Variants in RNMT observed in about 807,000 individuals in gnomAD.
RNMT encodes the protein RNA guanine-7 methyltransferase, also known as mRNA cap guanine-N(7) methyltransferase.
RNMT carries 27 observed loss-of-function variants against 56.0 expected under a neutral mutation model. The observed-to-expected ratio is 0.48, with a 90% confidence interval of 0.36 to 0.67. The LOEUF (loss-of-function observed/expected upper bound fraction) is 0.67. RNMT is among the 30% of genes least tolerant of loss of function. The probability of loss-of-function intolerance (pLI) is 0.00; values close to 1 mark genes in which losing one functional copy is unlikely to be tolerated. For missense variants in RNMT, 519 were observed against 552.1 expected, an observed-to-expected ratio of 0.94 and a Z score of 0.60; for synonymous variants, 184 against 176.2, an observed-to-expected ratio of 1.04 and a Z score of -0.35.
At position 13,731,655 on chromosome 18, in the gene RNMT, G is replaced by T; in HGVS notation, c.138G>T (p.Lys46Asn). ...TTASGTGLSE[K>N]TSVCRQVDIA... ...CTTCTGGGACTGGGCTTTCTGAAAA[G>T]ACTTCTGTCTGTAGGCAAGTAGACA... Residue 46 changes from lysine to asparagine, a missense_variant, in exon 3 of 12, where the codon AAG becomes AAT. Coordinates refer to ENST00000383314, the MANE Select transcript of RNMT (RefSeq NM_003799.3). 1 of 1,614,098 alleles carries T rather than the reference G, an allele frequency of 6.2e-7. No homozygotes were observed. Among genetic ancestry groups the T allele is most frequent in the Non-Finnish European group, 8.5e-7 (1 of 1,180,008 alleles).
chr18:13,728,260 A>G (rs185038932), intron 1 of RNMT, among the ~76,000 whole-genome samples: 14 of 149,282 alleles, frequency 9.4e-5, no homozygotes, highest in Admixed American at 8.6e-4. Context: ...ACAGTGTACA[A>G]GTGTTCCCCC....
intron 8 of RNMT, 137 bp downstream of exon 8, chr18:13,742,789 GT>G (rs200642393): frequency 8.5e-6 from 5 of 587,402 alleles, no homozygotes; most frequent in African/African-American, 8.1e-5. Flanking sequence ...TTGTTTTTGT[GT>G]TTTTAAAAAA....
rs776424781 is a variant in RNMT at position 13,746,289 on chromosome 18, T to A, written c.1209T>A (p.Ile403=). The change falls in exon 9 of 12, where the codon ATT becomes ATA. Residue 403 remains isoleucine, a synonymous_variant. Transcript: ENST00000383314. The part of the protein sequence containing the change: ...KTFLEFYEEK[I]KNNENKMLLK... ...TTCTGGAATTCTACGAAGAAAAGATTAAGAACAATGAAAATAAAATGCTCT... is the reference window on the plus strand; with the variant it reads ...TTCTGGAATTCTACGAAGAAAAGATAAAGAACAATGAAAATAAAATGCTCT... 6.3e-7 allele frequency: 1 copy of A among 1,575,880 alleles called. No individual in the cohort carries two copies. The highest frequency in any genetic ancestry group is 1.8e-5 in the Admixed American group (1 of 54,620).
chr18:13,740,668 G>A (rs934624134), intron 6 of RNMT, among the ~76,000 whole-genome samples: 2 of 152,130 alleles, frequency 1.3e-5, no homozygotes, highest in African/African-American at 4.8e-5. Context: ...CATGGTGCCC[G>A]GCTACTCATT....
Position 13,761,343 on chromosome 18 carries a change from A to T in RNMT, c.*1364A>T, listed in dbSNP as rs116989461. ...TCTGACTCTGGTGGCTGTATTAGCT[A>T]GGAAAGGTTTGTAAATGGTGTCAGT... On this transcript the variant is annotated 3_prime_UTR_variant, in exon 12 of 12. Coordinates refer to ENST00000383314, the MANE Select transcript of RNMT (RefSeq NM_003799.3). 0.019 allele frequency: 19,024 copies of T among 985,430 alleles called. 205 individuals carry two copies. Among genetic ancestry groups the T allele is most frequent in the Middle Eastern group, 0.034 (66 of 1,914 alleles). 61.0% of individuals were successfully genotyped at this position (985,430 alleles called of 1,614,324 possible). A position where few individuals can be genotyped will look rare whatever the true frequency, so the allele number is the denominator to read the frequency against.
In RNMT at chr18:13,762,876, G is replaced by T; in HGVS notation, c.*2897G>T. ...CAAGTATCTTTGTAATGAAGGTTTG[G>T]CTACTTGTATAGGTCTGCCTGCAGG... On this transcript the variant is annotated 3_prime_UTR_variant, in exon 12 of 12. Transcript: ENST00000383314. The T allele has an allele frequency of 3.2e-6, 1 of 314,940 alleles. No individual in the cohort carries two copies. Among genetic ancestry groups the T allele is most frequent in the South Asian group, 2.7e-5 (1 of 36,932 alleles). The allele number at this position is 314,940 out of a possible 1,614,324, so 19.5% of individuals were successfully genotyped here. A position where few individuals can be genotyped will look rare whatever the true frequency, so the allele number is the denominator to read the frequency against.
At chr18:13,758,392 CT>C (rs2044576506) in intron 11 of RNMT, among the ~76,000 whole-genome samples, 1 of 152,216 alleles carries the variant, frequency 6.6e-6, no homozygotes, top group Non-Finnish European at 1.5e-5. Context: ...CATCAATGAT[CT>C]TAGCTAGATC....
chr18:13,751,430 C>A (rs2149102388), intron 9 of RNMT, among the ~76,000 whole-genome samples: 1 of 152,294 alleles, frequency 6.6e-6, no homozygotes, highest in South Asian at 2.1e-4. Context: ...CCATCTCACG[C>A]CAGTTAGAAT....
Position 13,763,859 on chromosome 18 carries a change from T to G in RNMT, c.*3880T>G, listed in dbSNP as rs1308498646. 1 of 152,372 alleles carries G rather than the reference T, an allele frequency of 6.6e-6. No homozygotes were observed. The highest frequency in any genetic ancestry group is 2.4e-5 in the African/African-American group (1 of 41,454). The allele number at this position is 152,372 out of a possible 1,614,324, so 9.4% of individuals were successfully genotyped here. A position where few individuals can be genotyped will look rare whatever the true frequency, so the allele number is the denominator to read the frequency against. On this transcript the variant is annotated 3_prime_UTR_variant, in exon 12 of 12. Coordinates refer to ENST00000383314, the MANE Select transcript of RNMT (RefSeq NM_003799.3). ...GTTAACTATTAGAGCTCCATTCTTT[T>G]GGTTCAAAACGTTGATACTTACTTA...
rs1183191331 is a variant in RNMT, at chr18:13,734,572, A to G, written c.526A>G (p.Asn176Asp). Residue 176 changes from asparagine (N) to aspartate (D), a missense_variant, in exon 4 of 12, where the codon AAT becomes GAT. Physicochemically the swap from Asn to Asp is conservative, Grantham distance 23 (BLOSUM62 1). Transcript: ENST00000383314. ...QSRIFYLRNF[N>D]NWMKSVLIGE... ...TCGTATTTTTTACCTAAGAAACTTT[A>G]ATAATTGGATGAAAAGTGTTCTCAT... 1.2e-6 allele frequency: 2 copies of G among 1,613,300 alleles called. No homozygotes were observed. The highest frequency in any genetic ancestry group is 2.2e-5 in the South Asian group (2 of 90,940).
intron 11 of RNMT, among the ~76,000 whole-genome samples, chr18:13,754,863 G>T (rs111804411): frequency 6.6e-6 from 1 of 152,306 alleles, no homozygotes; most frequent in African/African-American, 2.4e-5. Context: ...ACATCCATGA[G>T]CAGGATGTGT....
chr18:13,728,496 C>T (rs1025464731), intron 1 of RNMT, among the ~76,000 whole-genome samples: 3 of 151,642 alleles, frequency 2.0e-5, no homozygotes, highest in Non-Finnish European at 4.4e-5. Flanking sequence ...TCACCATGCC[C>T]GGCTGATTTT....
intron 10 of RNMT, among the ~76,000 whole-genome samples, chr18:13,753,843 A>ACG (rs1341369131): frequency 9.1e-4 from 137 of 151,358 alleles, no homozygotes; most frequent in African/African-American, 3.1e-3. Context: ...ACACACACAC[A>ACG]CACACACAAT....
chr18:13,745,274 C>T (rs1306079603), intron 8 of RNMT, among the ~76,000 whole-genome samples: 1 of 152,140 alleles, frequency 6.6e-6, no homozygotes, highest in Admixed American at 6.6e-5. Context: ...AAAGCTTAAT[C>T]TGGCTGCGAT....
chr18:13,739,273 C>G (rs77084332), intron 5 of RNMT, among the ~76,000 whole-genome samples: 2,165 of 152,262 alleles, frequency 0.014, 47 homozygotes, highest in African/African-American at 0.049. Flanking sequence ...CATCACACAA[C>G]ATTTTAAAAA....
At position 13,762,291 on chromosome 18, in the gene RNMT, C is replaced by G; in HGVS notation, c.*2312C>G. On this transcript the variant is annotated 3_prime_UTR_variant, in exon 12 of 12. Coordinates refer to ENST00000383314, the MANE Select transcript of RNMT (RefSeq NM_003799.3). ...AATGCTGATGTTGAATTCTTTGGGC[C>G]TAGAATATACTTGAGAAAGCACTAG... is the stretch of plus-strand genomic sequence containing the variant. 9.3e-7 allele frequency: 1 copy of G among 1,070,270 alleles called. No homozygotes were observed. Among genetic ancestry groups the G allele is most frequent in the East Asian group, 2.6e-5 (1 of 37,774 alleles). 66.3% of individuals were successfully genotyped at this position (1,070,270 alleles called of 1,614,324 possible). A position where few individuals can be genotyped will look rare whatever the true frequency, so the allele number is the denominator to read the frequency against.
chr18:13,734,662 C>G (rs1306608237), intron 4 of RNMT, 63 bp downstream of exon 4: 2 of 1,370,040 alleles, frequency 1.5e-6, no homozygotes, highest in Non-Finnish European at 2.0e-6. Context: ...CAAACCTTGA[C>G]TTTATAAAGC....
At chr18:13,740,766 A>G (rs554000313) in intron 6 of RNMT, among the ~76,000 whole-genome samples, 7 of 152,376 alleles carry the variant, frequency 4.6e-5, no homozygotes, top group African/African-American at 1.2e-4. Flanking sequence ...ATTCCCTTGA[A>G]TGACTCACTG....
chr18:13,728,138 T>C (rs1454322416), intron 1 of RNMT, among the ~76,000 whole-genome samples: 1 of 152,130 alleles, frequency 6.6e-6, no homozygotes, highest in Non-Finnish European at 1.5e-5. Context: ...AACCAGAATA[T>C]AGAAGAAACT....
Sources: allele counts gnomAD v4.1 joint callset (sites outside exome capture counted in the v4.1 genomes callset), GRCh38; gene constraint gnomAD v4.1.1; transcripts MANE v1.5; gene names NCBI Gene and HGNC (gene_info 2026-07-23, HGNC 2026-07-21).